The following KCNT1 variants were observed in gnomAD, a reference collection of about 807,000 sequenced individuals.
KCNT1 encodes the protein potassium channel subfamily T member 1.
KCNT1 carries 78 observed loss-of-function variants against 147.8 expected under a neutral mutation model. The ratio of observed to expected loss-of-function variants is 0.53; its 90% CI spans 0.44 to 0.64. The LOEUF is 0.64. Among genes scored for constraint, KCNT1 ranks in the 30% least tolerant of loss-of-function variants. The pLI is 0.00. For missense variants in KCNT1, 1,419 were observed against 1,750.3 expected (o/e 0.81, Z 3.38); for synonymous variants, 867 against 748.8 (o/e 1.16, Z -2.58).
intron 24 of KCNT1, among the ~76,000 whole-genome samples, chr9:135,782,539 G>A (rs1037606644): frequency 4.6e-5 from 7 of 152,182 alleles, no homozygotes; most frequent in African/African-American, 7.2e-5. Flanking sequence ...GGGCTCATCC[G>A]CTCCTGTGTG....
rs118066080 is a variant in KCNT1 at position 135,767,225 on chromosome 9, C to T, written c.1338-1385C>T. Among the ~76,000 whole-genome samples the T allele has an allele frequency of 9.9e-3, 1,501 of 152,264 alleles. 8 individuals carry two copies. Among genetic ancestry groups the T allele is most frequent in the Non-Finnish European group, 0.016 (1,064 of 68,012 alleles). On this transcript the variant is annotated intron_variant, in intron 13 of 30. Transcript: ENST00000371757. ...TGGAACGCCACCTCTTTTGTGGTCC[C>T]GTCCCCAGCACACACAGGCGATGCA...
intron 1 of KCNT1, 81 bp downstream of exon 1, chr9:135,702,449 C>T: frequency 8.2e-6 from 9 of 1,103,848 alleles, no homozygotes; most frequent in Non-Finnish European, 1.2e-5. Context: ...GGCTCCCGCA[C>T]CCTCCAGGAC....
At chr9:135,750,918 C>T in intron 3 of KCNT1, 24 bp from the exon 4 acceptor site, 1 of 1,609,142 alleles carries the variant, frequency 6.2e-7, no homozygotes, top group Non-Finnish European at 8.5e-7. Context: ...GGTCAGAGCC[C>T]TGAGGCCGCT....
intron 11 of KCNT1, among the ~76,000 whole-genome samples, chr9:135,761,820 T>C (rs1053463340): frequency 6.6e-6 from 1 of 151,976 alleles, no homozygotes; most frequent in African/African-American, 2.4e-5. Flanking sequence ...GGCCAATGCG[T>C]CCCCCTTTCC....
Position 135,777,436 on chromosome 9 carries a change from C to T in KCNT1, c.2448C>T (p.Asn816=). Residue 816 remains asparagine (N), a synonymous_variant, in exon 21 of 31, where the codon AAC becomes AAT. Transcript: ENST00000371757. ...SAETAGNGLY[N]FIVPLRAYYR... is the part of the protein sequence containing the mutation. ...AGACGGCCGGCAATGGGCTGTACAACTTCATCGTGCCACTGCGGGCCTACT... is the reference window on the plus strand; with the variant it reads ...AGACGGCCGGCAATGGGCTGTACAATTTCATCGTGCCACTGCGGGCCTACT... The T allele has an allele frequency of 1.9e-6, 3 of 1,614,088 alleles. No homozygotes were observed. Among genetic ancestry groups the T allele is most frequent in the Non-Finnish European group, 2.5e-6 (3 of 1,179,974 alleles).
At chr9:135,788,589 A>T (rs1316184157) in intron 29 of KCNT1, among the ~76,000 whole-genome samples, 1 of 152,120 alleles carries the variant, frequency 6.6e-6, no homozygotes, top group Non-Finnish European at 1.5e-5. Flanking sequence ...CTCAGGAAGC[A>T]CCCAGAGGGT....
At chr9:135,703,426 G>C (rs1835116343) in intron 1 of KCNT1, among the ~76,000 whole-genome samples, 1 of 152,224 alleles carries the variant, frequency 6.6e-6, no homozygotes, top group Non-Finnish European at 1.5e-5. Context: ...CCTCTGGTGA[G>C]GGACCAGGCT....
Position 135,762,666 on chromosome 9 carries a change from C to T in KCNT1, c.1036-2365C>T, listed in dbSNP as rs113065100. 3.1e-3 allele frequency among the ~76,000 whole-genome samples: 471 copies of T among 152,266 alleles called. 3 individuals are homozygous for T. Among genetic ancestry groups the T allele is most frequent in the South Asian group, 0.025 (122 of 4,816 alleles). ...TCGGGAGGCTGAGGTGGGAGGATCA[C>T]TTAAGCCCAGGAGGCAGAGGTTACA... On this transcript the variant is annotated intron_variant, in intron 11 of 30. Transcript: ENST00000371757.
At chr9:135,772,173 G>C (rs1832805647) in intron 18 of KCNT1, among the ~76,000 whole-genome samples, 1 of 152,196 alleles carries the variant, frequency 6.6e-6, no homozygotes, top group Non-Finnish European at 1.5e-5. Flanking sequence ...TGCGCAGTAG[G>C]CACTCTGCCC....
At position 135,724,780 on chromosome 9, in the gene KCNT1, GC is replaced by G. The variant is rs1201675021; in HGVS notation, c.254+10064del. 2.0e-5 allele frequency among the ~76,000 whole-genome samples: 3 copies of G among 152,372 alleles called. No individual in the cohort carries two copies. In the East Asian group the frequency reaches 5.8e-4, roughly 29 times the overall value. On this transcript the variant is annotated intron_variant, in intron 2 of 30. Transcript: ENST00000371757. ...TAGCTCCGGCTGGGTCGGCTGGGCT[GC>G]CCCGAGAGGCCCAACATGAAGGCCC...
rs1170231312 is a variant in KCNT1, at chr9:135,794,936, A to C, written c.*2775A>C. ...TGACCCATAAAAGGTCCCCCTGCAAAGTACACCAAGTGAAGTAGGATCTGA... is the reference window on the plus strand; with the variant it reads ...TGACCCATAAAAGGTCCCCCTGCAACGTACACCAAGTGAAGTAGGATCTGA... On this transcript the variant is annotated 3_prime_UTR_variant, in exon 31 of 31. Coordinates refer to ENST00000371757, the MANE Select transcript of KCNT1 (RefSeq NM_020822.3). The C allele has an allele frequency of 6.6e-6, 1 of 152,232 alleles. No individual in the cohort carries two copies. Among genetic ancestry groups the C allele is most frequent in the Admixed American group, 6.5e-5 (1 of 15,302 alleles). 9.4% of individuals were successfully genotyped at this position (152,232 alleles called of 1,614,324 possible).
Position 135,784,007 on chromosome 9 carries a change from C to T in KCNT1, c.2842-17C>T, listed in dbSNP as rs751304105. On this transcript the variant is annotated splice_polypyrimidine_tract_variant and intron_variant, in intron 24 of 30. Coordinates refer to ENST00000371757, the MANE Select transcript of KCNT1 (RefSeq NM_020822.3). ...GACCTCGGCACCAGCCCATCTGAGG[C>T]CCCTCCTTTCCCACAGAGGGAGCGA... 3.8e-6 allele frequency: 6 copies of T among 1,599,856 alleles called. No individual in the cohort carries two copies. In the East Asian group the frequency reaches 1.1e-4, roughly 30 times the overall value.
chr9:135,732,747 C>CCTAT (rs1481074070), intron 2 of KCNT1, among the ~76,000 whole-genome samples: 1 of 75,826 alleles, frequency 1.3e-5, no homozygotes, highest in Non-Finnish European at 3.0e-5. Context: ...TGAAGTCCAA[C>CCTAT]CTATCTCTCT....
intron 20 of KCNT1, 81 bp from the exon 21 acceptor site, chr9:135,777,257 G>A: frequency 6.9e-7 from 1 of 1,440,862 alleles, no homozygotes; most frequent in Non-Finnish European, 9.5e-7. Flanking sequence ...GGGGATGTTT[G>A]GTGAGGGGTC....
intron 2 of KCNT1, among the ~76,000 whole-genome samples, chr9:135,728,233 GAC>G (rs1203632966): frequency 6.6e-6 from 1 of 152,184 alleles, no homozygotes; most frequent in Non-Finnish European, 1.5e-5. Flanking sequence ...TCAGCCCAGG[GAC>G]ACTGATGTCC....
chr9:135,783,792 C>T (rs974537837), intron 24 of KCNT1, among the ~76,000 whole-genome samples: 1 of 152,264 alleles, frequency 6.6e-6, no homozygotes. Context: ...TCACTCCTCC[C>T]GGGCTCTGGC....
intron 14 of KCNT1, 77 bp downstream of exon 14, chr9:135,768,750 C>A: frequency 1.3e-6 from 2 of 1,539,934 alleles, no homozygotes; most frequent in South Asian, 2.4e-5. Flanking sequence ...AGGGAAGAGA[C>A]CTGCCCCAGG....
At chr9:135,774,067 T>C (rs11507056) in intron 19 of KCNT1, among the ~76,000 whole-genome samples, 52 of 151,508 alleles carry the variant, frequency 3.4e-4, no homozygotes, top group Admixed American at 8.6e-4. Flanking sequence ...ATGTGTGTGG[T>C]GTGTGTCCAT....
At chr9:135,765,851 T>G in intron 13 of KCNT1, 91 bp downstream of exon 13, 12 of 1,232,814 alleles carry the variant, frequency 9.7e-6, no homozygotes, top group Non-Finnish European at 1.4e-5. Flanking sequence ...GTCGCTCTCC[T>G]GGCCAATGAG....
Sources: allele counts gnomAD v4.1 joint callset (sites outside exome capture counted in the v4.1 genomes callset), GRCh38; gene constraint gnomAD v4.1.1; transcripts MANE v1.5; gene names NCBI Gene and HGNC (gene_info 2026-07-23, HGNC 2026-07-21).